The following FBXL17 variants were observed in gnomAD, a reference collection of about 807,000 sequenced individuals.
The protein encoded by FBXL17 is F-box/LRR-repeat protein 17.
FBXL17 carries 22 observed loss-of-function variants against 66.2 expected under a neutral mutation model. The ratio of observed to expected loss-of-function variants is 0.33; its 90% confidence interval spans 0.24 to 0.47. The LOEUF is 0.47. FBXL17 is among the 20% of genes least tolerant of loss of function. The probability of loss-of-function intolerance (pLI) is 1.00; values close to 1 mark genes in which losing one functional copy is unlikely to be tolerated. For synonymous variants in FBXL17, 474 were observed against 400.5 expected (o/e 1.18, Z -2.19); for missense variants, 878 against 948.2 (o/e 0.93, Z 0.97).
chr5:108,161,161 G>GATAGATACATAC (rs376656671), intron 6 of FBXL17, among the ~76,000 whole-genome samples: 3 of 149,314 alleles, frequency 2.0e-5, no homozygotes, highest in East Asian at 4.0e-4. Context: ...TCAACAAATA[G>GATAGATACATAC]ATACATACAT....
chr5:107,958,222 G>C (rs1470701145), intron 7 of FBXL17, among the ~76,000 whole-genome samples: 1 of 149,016 alleles, frequency 6.7e-6, no homozygotes, highest in Non-Finnish European at 1.5e-5. Context: ...TTATTTTTTG[G>C]TGGCTGTTTA....
intron 6 of FBXL17, among the ~76,000 whole-genome samples, chr5:108,169,830 A>T (rs1752541154): frequency 6.6e-6 from 1 of 152,184 alleles, no homozygotes; most frequent in African/African-American, 2.4e-5. Context: ...ATAGGCTTAT[A>T]TTCACTAGGT....
At chr5:107,945,020 T>C (rs1751234580) in intron 7 of FBXL17, among the ~76,000 whole-genome samples, 1 of 151,612 alleles carries the variant, frequency 6.6e-6, no homozygotes, top group Non-Finnish European at 1.5e-5. Context: ...AAAATATAAC[T>C]GACAAAAGAT....
rs192494707 is a variant in FBXL17 at position 107,990,537 on chromosome 5, C to T, written c.1822+30388G>A. 5.7e-3 allele frequency among the ~76,000 whole-genome samples: 868 copies of T among 152,022 alleles called. 6 individuals carry two copies. The highest frequency in any genetic ancestry group is 0.019 in the African/African-American group (789 of 41,472). On this transcript the variant is annotated intron_variant, in intron 7 of 8. Coordinates refer to ENST00000542267, the MANE Select transcript of FBXL17 (RefSeq NM_001163315.3). ...GGCAGGTTATGTAATTTATCTATAC[C>T]TTAGTTTTCTTATCTGTAAAATGGA...
At chr5:108,021,026 A>G (rs772187501) in intron 6 of FBXL17, 25 bp from the exon 7 acceptor site, 1 of 1,568,302 alleles carries the variant, frequency 6.4e-7, no homozygotes, top group South Asian at 1.1e-5. Flanking sequence ...AAGTGGTTAT[A>G]CTAATGCGTT....
chr5:108,141,967 GACTC>G (rs1751367550), intron 6 of FBXL17, among the ~76,000 whole-genome samples: 1 of 152,142 alleles, frequency 6.6e-6, no homozygotes, highest in Non-Finnish European at 1.5e-5. Context: ...CAATACGTTT[GACTC>G]ACTCTCTGTG....
At chr5:108,014,838 C>A (rs1754318896) in intron 7 of FBXL17, among the ~76,000 whole-genome samples, 1 of 152,156 alleles carries the variant, frequency 6.6e-6, no homozygotes, top group South Asian at 2.1e-4. Flanking sequence ...GGAAGCCTCA[C>A]AATCATGGTG....
At chr5:107,925,071 CAG>C (rs1750482143) in intron 7 of FBXL17, among the ~76,000 whole-genome samples, 1 of 152,090 alleles carries the variant, frequency 6.6e-6, no homozygotes, top group Non-Finnish European at 1.5e-5. Context: ...ACTAAAAAAA[CAG>C]ATTGATTTTT....
At chr5:108,341,373 G>A (rs1746870465) in intron 4 of FBXL17, among the ~76,000 whole-genome samples, 1 of 152,002 alleles carries the variant, frequency 6.6e-6, no homozygotes. Context: ...GATCATCATA[G>A]CAGTTGCTCT....
chr5:107,958,001 A>T (rs186359835), intron 7 of FBXL17, among the ~76,000 whole-genome samples: 7 of 151,332 alleles, frequency 4.6e-5, no homozygotes, highest in Admixed American at 4.6e-4. Context: ...GTGTCCAAGT[A>T]ATACATCGTT....
At chr5:108,243,551 C>T (rs1755957969) in intron 4 of FBXL17, among the ~76,000 whole-genome samples, 2 of 152,078 alleles carry the variant, frequency 1.3e-5, no homozygotes, top group Admixed American at 1.3e-4. Context: ...AAGTAATCTT[C>T]CCAAGATTAT....
chr5:107,866,474 G>T lies in FBXL17; in HGVS notation c.1966-4614C>A, dbSNP rs552127516. On this transcript the variant is annotated intron_variant, in intron 8 of 8. Coordinates refer to ENST00000542267, the MANE Select transcript of FBXL17 (RefSeq NM_001163315.3). ...GAGGCAAATTGCTATGCTAATGAAG[G>T]TAAATCACACCACAGTTTCATGATA... 9.2e-5 allele frequency among the ~76,000 whole-genome samples: 14 copies of T among 152,272 alleles called. No homozygotes were observed. In the South Asian group the frequency reaches 2.9e-3, roughly 32 times the overall value.
intron 7 of FBXL17, among the ~76,000 whole-genome samples, chr5:107,931,714 T>C (rs529616914): frequency 6.6e-6 from 1 of 152,188 alleles, no homozygotes; most frequent in Non-Finnish European, 1.5e-5. Context: ...TAAAGACACC[T>C]AAGGCATAGA....
At chr5:107,894,807 A>G (rs1344382104) in intron 7 of FBXL17, among the ~76,000 whole-genome samples, 2 of 152,152 alleles carry the variant, frequency 1.3e-5, no homozygotes, top group African/African-American at 2.4e-5. Flanking sequence ...AATTGCAACT[A>G]TAAGAATCAG....
At position 107,980,645 on chromosome 5, in the gene FBXL17, A is replaced by ATATATATATATATATATATATATAT. The variant is rs1554054251; in HGVS notation, c.1822+40279_1822+40280insATATATATATATATATATATATATA. On this transcript the variant is annotated intron_variant, in intron 7 of 8. Transcript: ENST00000542267. ...AGCCACCATGACTGGCCAATAAAAT[A>ATATATATATATATATATATATATAT]ATATATATATATATATATATTTTTT... Among the ~76,000 whole-genome samples the ATATATATATATATATATATATATAT allele has an allele frequency of 2.5e-3, 201 of 78,990 alleles. 14 individuals are homozygous for ATATATATATATATATATATATATAT. Among genetic ancestry groups the ATATATATATATATATATATATATAT allele is most frequent in the Non-Finnish European group, 3.1e-3 (140 of 45,424 alleles). 51.8% of individuals were successfully genotyped at this position (78,990 alleles called of 152,430 possible). A position where few individuals can be genotyped will look rare whatever the true frequency, so the allele number is the denominator to read the frequency against.
At chr5:108,014,373 G>A (rs169640) in intron 7 of FBXL17, among the ~76,000 whole-genome samples, 117,891 of 152,080 alleles carry the variant, frequency 0.78, 46,017 homozygotes, top group East Asian at 0.93. Context: ...GGGTAAGCAC[G>A]CAAAAACAGG....
Position 108,249,452 on chromosome 5 carries a change from C to T in FBXL17, c.1507-25224G>A, listed in dbSNP as rs1377113206. ...AATATACTGCCTCATTCTGTACCAA[C>T]ATATTAATTTATAGAAACATATCTA... On this transcript the variant is annotated intron_variant, in intron 4 of 8. Transcript: ENST00000542267. Among the ~76,000 whole-genome samples the T allele has an allele frequency of 9.9e-5, 15 of 152,254 alleles. No homozygotes were observed. The East Asian group carries it at 2.9e-3, about 29-fold the overall frequency.
intron 6 of FBXL17, among the ~76,000 whole-genome samples, chr5:108,135,842 C>A (rs1427523377): frequency 1.3e-5 from 2 of 152,004 alleles, no homozygotes; most frequent in African/African-American, 4.8e-5. Context: ...AAATGAAATT[C>A]TTTAGGTGAA....
chr5:108,117,256 G>C (rs1750295125), intron 6 of FBXL17, among the ~76,000 whole-genome samples: 1 of 152,162 alleles, frequency 6.6e-6, no homozygotes, highest in Non-Finnish European at 1.5e-5. Context: ...TGCCTTCCCA[G>C]AGATTGAGAG....
Sources: gnomAD v4.1 joint callset for allele counts (sites outside exome capture counted in the v4.1 genomes callset) on GRCh38, gnomAD v4.1.1 for gene constraint, MANE v1.5 for transcripts, NCBI Gene and HGNC (gene_info 2026-07-23, HGNC 2026-07-21) for gene names.